AASS: variants seen among roughly 807,000 people sequenced by gnomAD.
The protein encoded by AASS is alpha-aminoadipic semialdehyde synthase, mitochondrial.
A neutral mutation model predicts 105.4 loss-of-function variants in AASS; 86 were observed. That is an observed-to-expected ratio of 0.82 (90% CI 0.69 to 0.98). The LOEUF is 0.98. AASS is among the 50% of genes least tolerant of loss of function. The probability of loss-of-function intolerance (pLI) is 0.00; values close to 1 mark genes in which losing one functional copy is unlikely to be tolerated. For synonymous variants in AASS, 381 were observed against 394.8 expected, an observed-to-expected ratio of 0.96 and a Z score of 0.41; for missense variants, 1,048 against 1,143.2, an observed-to-expected ratio of 0.92 and a Z score of 1.20.
At chr7:122,103,535 G>A (rs1360531028) in intron 11 of AASS, among the ~76,000 whole-genome samples, 3 of 151,872 alleles carry the variant, frequency 2.0e-5, no homozygotes, top group African/African-American at 7.3e-5. Context: ...CACTGATAAA[G>A]GTAGATATAT....
chr7:122,107,950 C>CAAAAAAA (rs71172163), intron 11 of AASS, among the ~76,000 whole-genome samples: 2 of 107,952 alleles, frequency 1.9e-5, no homozygotes, highest in Non-Finnish European at 1.9e-5. Flanking sequence ...ACCCACAACT[C>CAAAAAAA]AAAAAAAAAA....
At chr7:122,140,246 G>A (rs770704013) in intron 1 of AASS, among the ~76,000 whole-genome samples, 7 of 151,980 alleles carry the variant, frequency 4.6e-5, no homozygotes, top group African/African-American at 7.3e-5. Context: ...AGCACTTTGG[G>A]AGGCTGAGGC....
rs1367706197 is a variant in AASS at position 122,111,307 on chromosome 7, C to T, written c.1278+1811G>A. The stretch of plus-strand genomic sequence containing the variant: ...AAAGAACCCAATGGAAATTCTAGAA[C>T]TGAAAATAGAACATCGGAAATTAAA... On this transcript the variant is annotated intron_variant, in intron 11 of 23. Coordinates refer to ENST00000417368, the MANE Select transcript of AASS (RefSeq NM_005763.4). 4.6e-5 allele frequency among the ~76,000 whole-genome samples: 7 copies of T among 152,182 alleles called. No homozygotes were observed. The East Asian group carries it at 1.4e-3, about 29-fold the overall frequency.
intron 17 of AASS, 81 bp downstream of exon 17, chr7:122,092,762 C>T: frequency 1.7e-6 from 2 of 1,154,144 alleles, no homozygotes; most frequent in Non-Finnish European, 2.6e-6. Flanking sequence ...AAAGGTGTTG[C>T]TATATTATAA....
At chr7:122,099,108 T>C (rs1410775451) in intron 13 of AASS, among the ~76,000 whole-genome samples, 1 of 151,880 alleles carries the variant, frequency 6.6e-6, no homozygotes, top group Non-Finnish European at 1.5e-5. Context: ...CTGAGATATA[T>C]ATCTACAGAC....
chr7:122,111,203 C>T (rs116510086), intron 11 of AASS, among the ~76,000 whole-genome samples: 7 of 151,792 alleles, frequency 4.6e-5, no homozygotes, highest in African/African-American at 1.2e-4. Context: ...CATGCAATAA[C>T]GAAAAATACA....
chr7:122,129,274 A>G, intron 3 of AASS, 87 bp downstream of exon 3: 1 of 845,486 alleles, frequency 1.2e-6, no homozygotes, highest in Non-Finnish European at 1.7e-6. Context: ...CTAAAGAAGA[A>G]AAGAAGACTA....
chr7:122,077,011 C>G (rs1230514497), intron 23 of AASS, among the ~76,000 whole-genome samples: 1 of 152,146 alleles, frequency 6.6e-6, no homozygotes, highest in Admixed American at 6.5e-5. Flanking sequence ...TATATGGGCA[C>G]AGGCACCTGT....
chr7:122,141,050 C>A (rs1268682476), intron 1 of AASS, among the ~76,000 whole-genome samples: 1 of 152,072 alleles, frequency 6.6e-6, no homozygotes, highest in Non-Finnish European at 1.5e-5. Context: ...AACACAGCAC[C>A]AGATGATGGC....
chr7:122,142,995 T>G (rs1402303759), intron 1 of AASS, among the ~76,000 whole-genome samples: 1 of 152,184 alleles, frequency 6.6e-6, no homozygotes, highest in Non-Finnish European at 1.5e-5. Flanking sequence ...TTGGCTTCAA[T>G]TTTTGTCCAC....
At chr7:122,105,836 A>G (rs992519555) in intron 11 of AASS, among the ~76,000 whole-genome samples, 3 of 152,048 alleles carry the variant, frequency 2.0e-5, no homozygotes, top group Non-Finnish European at 4.4e-5. Flanking sequence ...AACAGGAACA[A>G]ACTGAACCCA....
intron 19 of AASS, among the ~76,000 whole-genome samples, chr7:122,083,064 G>GAA (rs2150509865): frequency 8.1e-6 from 1 of 122,808 alleles, no homozygotes; most frequent in Admixed American, 7.9e-5. Context: ...GAAGAAAAGA[G>GAA]AGAGAGGGAA....
intron 18 of AASS, among the ~76,000 whole-genome samples, chr7:122,091,313 G>C (rs1249248078): frequency 6.6e-6 from 1 of 152,158 alleles, no homozygotes; most frequent in Admixed American, 6.6e-5. Context: ...GTCCAGCTGT[G>C]AGCTTTCTGA....
intron 1 of AASS, among the ~76,000 whole-genome samples, chr7:122,135,451 C>T (rs1796100096): frequency 1.3e-5 from 2 of 152,040 alleles, no homozygotes; most frequent in Admixed American, 6.5e-5. Flanking sequence ...CATACATGGC[C>T]GTCTGCTGTT....
At chr7:122,121,160 C>A (rs1170824931) in intron 4 of AASS, among the ~76,000 whole-genome samples, 1 of 151,508 alleles carries the variant, frequency 6.6e-6, no homozygotes, top group Non-Finnish European at 1.5e-5. Flanking sequence ...AGCTTTAGAG[C>A]CTTGTTTTAT....
chr7:122,111,626 G>T (rs1478954103), intron 11 of AASS, among the ~76,000 whole-genome samples: 1 of 152,146 alleles, frequency 6.6e-6, no homozygotes, highest in Non-Finnish European at 1.5e-5. Flanking sequence ...ATTCGTGGCT[G>T]GGCGCGGTGG....
rs759144787 is a variant in AASS at position 122,086,024 on chromosome 7, T to C, written c.2172A>G (p.Thr724=). The change falls in exon 19 of 24, where the codon ACA becomes ACG. Residue 724 remains threonine, a synonymous_variant. Transcript: ENST00000417368. ...ISSAHTLLRG[T]LRYKGYMKAL... ...TCCAGCTGCTTACCTTATATCTCAG[T>C]GTCCCCCGCAACAAAGTGTGAGCAG... is the stretch of plus-strand genomic sequence containing the variant. The C allele has an allele frequency of 1.2e-6, 2 of 1,613,504 alleles. No individual in the cohort carries two copies. Among genetic ancestry groups the C allele is most frequent in the South Asian group, 1.1e-5 (1 of 91,076 alleles).
intron 4 of AASS, among the ~76,000 whole-genome samples, chr7:122,125,559 C>T (rs1010238188): frequency 2.6e-5 from 4 of 152,162 alleles, no homozygotes; most frequent in African/African-American, 7.2e-5. Flanking sequence ...CGAGACCTCA[C>T]GTTCTGTATT....
intron 22 of AASS, 36 bp from the exon 23 acceptor site, chr7:122,078,050 T>C: frequency 1.3e-6 from 2 of 1,584,972 alleles, no homozygotes; most frequent in African/African-American, 2.7e-5. Flanking sequence ...AATACCACTA[T>C]CATTACAACT....
Sources: gnomAD v4.1 joint callset for allele counts (sites outside exome capture counted in the v4.1 genomes callset) on GRCh38, gnomAD v4.1.1 for gene constraint, MANE v1.5 for transcripts, NCBI Gene and HGNC (gene_info 2026-07-23, HGNC 2026-07-21) for gene names.